The following RHBDD1 variants were observed in gnomAD, a reference collection of about 807,000 sequenced individuals.
RHBDD1 encodes the protein rhomboid-related protein 4.
A neutral mutation model predicts 36.3 loss-of-function variants in RHBDD1; 38 were observed. The observed-to-expected ratio is 1.05, with a 90% CI of 0.81 to 1.37. The LOEUF is 1.37. Among genes scored for constraint, RHBDD1 ranks in the 40% most tolerant of loss-of-function variants. RHBDD1 has a pLI of 0.00. For synonymous variants in RHBDD1, 151 were observed against 136.5 expected (o/e 1.11, Z -0.74); for missense variants, 393 against 377.6 (o/e 1.04, Z -0.34).
chr2:226,847,284 G>A (rs571153084), intron 3 of RHBDD1, among the ~76,000 whole-genome samples: 5 of 151,964 alleles, frequency 3.3e-5, no homozygotes, highest in Non-Finnish European at 5.9e-5. Context: ...AAACATTATC[G>A]TATTTTATGT....
the RHBDD1 span, among the ~76,000 whole-genome samples, chr2:226,818,026 G>C: frequency 6.6e-6 from 1 of 152,100 alleles, no homozygotes; most frequent in Non-Finnish European, 1.5e-5. Flanking sequence ...TAGGAATTCA[G>C]AATGATATGA....
rs115772319 is a variant in RHBDD1 at position 226,986,273 on chromosome 2, C to T, written c.857-9158C>T. 5.4e-3 allele frequency among the ~76,000 whole-genome samples: 822 copies of T among 152,052 alleles called. 10 individuals carry two copies. Among genetic ancestry groups the T allele is most frequent in the African/African-American group, 0.019 (793 of 41,444 alleles). ...TGTACTGTGGTCTCCAGGATTGGAC[C>T]CCGAACAGAAAAAGGAAATTAGTGA... On this transcript the variant is annotated intron_variant, in intron 8 of 8. Transcript: ENST00000392062.
intron 8 of RHBDD1, among the ~76,000 whole-genome samples, chr2:226,979,102 A>T (rs1955126530): frequency 6.6e-6 from 1 of 152,142 alleles, no homozygotes; most frequent in African/African-American, 2.4e-5. Context: ...GCTCATTCCC[A>T]GTCCAAAAGC....
chr2:226,975,937 T>G (rs936231122), intron 8 of RHBDD1, among the ~76,000 whole-genome samples: 10 of 152,004 alleles, frequency 6.6e-5, no homozygotes, highest in African/African-American at 2.2e-4. Flanking sequence ...GCCCCAGGGT[T>G]GTTGTGTTCT....
chr2:226,895,581 G>A (rs1053706147), intron 5 of RHBDD1: 18 of 698,940 alleles, frequency 2.6e-5, no homozygotes, highest in South Asian at 6.4e-5. Context: ...TAAGGGAGTC[G>A]GGGGAGATTC....
chr2:226,827,872 G>A, the RHBDD1 span, among the ~76,000 whole-genome samples: 1 of 152,198 alleles, frequency 6.6e-6, no homozygotes, highest in Admixed American at 6.5e-5. Flanking sequence ...GGCCTGGGTA[G>A]AACTTCCATG....
intron 8 of RHBDD1, among the ~76,000 whole-genome samples, chr2:226,921,614 G>C (rs576046213): frequency 6.6e-6 from 1 of 152,102 alleles, no homozygotes; most frequent in Admixed American, 6.5e-5. Context: ...GGAACATATT[G>C]TTCAATTTCC....
At chr2:226,900,518 T>C (rs1267875896) in intron 5 of RHBDD1, among the ~76,000 whole-genome samples, 1 of 152,078 alleles carries the variant, frequency 6.6e-6, no homozygotes, top group African/African-American at 2.4e-5. Context: ...ACAGAAGAAA[T>C]AAAGCTTTTA....
intron 8 of RHBDD1, among the ~76,000 whole-genome samples, chr2:226,948,868 A>G (rs1951214932): frequency 6.6e-6 from 1 of 152,314 alleles, no homozygotes. Flanking sequence ...TGCAGATGGC[A>G]TGATCCTATA....
intron 8 of RHBDD1, among the ~76,000 whole-genome samples, chr2:226,931,947 T>C (rs1256443525): frequency 6.6e-6 from 1 of 152,138 alleles, no homozygotes; most frequent in Admixed American, 6.6e-5. Flanking sequence ...AATGAGTTTT[T>C]CAATCCATGA....
At chr2:226,807,388 A>G in the RHBDD1 span, 1 of 152,352 alleles carries the variant, frequency 6.6e-6, no homozygotes, top group Admixed American at 6.5e-5. Context: ...AATTTAAATT[A>G]TTAGTTTTAT....
chr2:226,957,051 A>C (rs112953942), intron 8 of RHBDD1, among the ~76,000 whole-genome samples: 2 of 152,218 alleles, frequency 1.3e-5, no homozygotes, highest in Admixed American at 6.5e-5. Flanking sequence ...TCCCATTTGT[A>C]ATAGATCTTA....
intron 8 of RHBDD1, among the ~76,000 whole-genome samples, chr2:226,989,702 A>G (rs1461716586): frequency 6.6e-6 from 1 of 152,188 alleles, no homozygotes; most frequent in African/African-American, 2.4e-5. Flanking sequence ...CTGATGTTAT[A>G]GCTTACTCGA....
chr2:226,824,410 A>G, the RHBDD1 span, among the ~76,000 whole-genome samples: 1 of 152,220 alleles, frequency 6.6e-6, no homozygotes, highest in Non-Finnish European at 1.5e-5. Flanking sequence ...TTCCACTTAT[A>G]TATATCTAAC....
rs1298828355 is a variant in RHBDD1 at position 226,838,079 on chromosome 2, A to G, written c.-385A>G. 6.6e-6 allele frequency: 1 copy of G among 152,114 alleles called. No homozygotes were observed. Among genetic ancestry groups the G allele is most frequent in the Non-Finnish European group, 1.5e-5 (1 of 68,036 alleles). The allele number at this position is 152,114 out of a possible 1,614,324, so 9.4% of individuals were successfully genotyped here. Reference sequence around the variant, plus strand: ...ACAACTTTATCTCTTTCAGGGGTCCATTGTAGGGGGAGAAAGAAATATTCA... The same window carrying G: ...ACAACTTTATCTCTTTCAGGGGTCCGTTGTAGGGGGAGAAAGAAATATTCA... On this transcript the variant is annotated 5_prime_UTR_variant, in exon 2 of 9. Transcript: ENST00000392062.
intron 8 of RHBDD1, among the ~76,000 whole-genome samples, chr2:226,923,539 G>T (rs1359873819): frequency 6.6e-6 from 1 of 151,986 alleles, no homozygotes. Context: ...TAACTGTCTT[G>T]TACTTGAATA....
At chr2:226,983,911 G>A (rs1170986469) in intron 8 of RHBDD1, among the ~76,000 whole-genome samples, 1 of 152,204 alleles carries the variant, frequency 6.6e-6, no homozygotes, top group Non-Finnish European at 1.5e-5. Flanking sequence ...TAGCTGAACA[G>A]AAGATTTGAG....
chr2:226,879,905 G>A (rs1484379449), intron 5 of RHBDD1, among the ~76,000 whole-genome samples: 2 of 152,160 alleles, frequency 1.3e-5, no homozygotes, highest in East Asian at 1.9e-4. Context: ...CTTTGAGAGG[G>A]GAGAAGAGTG....
intron 8 of RHBDD1, among the ~76,000 whole-genome samples, chr2:226,944,453 G>A (rs1388000518): frequency 6.6e-6 from 1 of 152,142 alleles, no homozygotes; most frequent in African/African-American, 2.4e-5. Context: ...GTTCTGTCCT[G>A]TCAATTAACT....
Sources: allele counts gnomAD v4.1 joint callset (sites outside exome capture counted in the v4.1 genomes callset), GRCh38; gene constraint gnomAD v4.1.1; transcripts MANE v1.5; gene names NCBI Gene and HGNC (gene_info 2026-07-23, HGNC 2026-07-21).